EPS15L1: variants seen among roughly 807,000 people sequenced by gnomAD.
The protein encoded by EPS15L1 is epidermal growth factor receptor substrate 15-like 1.
Under a neutral mutation model 117.1 loss-of-function variants are expected in EPS15L1, and 43 were observed. The ratio of observed to expected loss-of-function variants is 0.37; its 90% CI spans 0.29 to 0.47. The LOEUF (loss-of-function observed/expected upper bound fraction) is 0.47. EPS15L1 is among the 20% of genes least tolerant of loss of function. The pLI is 0.99. For missense variants in EPS15L1, 981 were observed against 1,164.0 expected, an observed-to-expected ratio of 0.84 and a Z score of 2.29; for synonymous variants, 459 against 470.5, an observed-to-expected ratio of 0.98 and a Z score of 0.32.
intron 13 of EPS15L1, among the ~76,000 whole-genome samples, chr19:16,412,041 TA>T (rs2092711018): frequency 6.6e-6 from 1 of 152,242 alleles, no homozygotes; most frequent in African/African-American, 2.4e-5. Flanking sequence ...TAATACCTAA[TA>T]TAATGTAAAT....
At chr19:16,418,669 T>C (rs1214227736) in intron 10 of EPS15L1, among the ~76,000 whole-genome samples, 1 of 152,186 alleles carries the variant, frequency 6.6e-6, no homozygotes, top group Non-Finnish European at 1.5e-5. Context: ...CCAAATCCTA[T>C]CCCTCAATGG....
At chr19:16,457,476 T>C (rs2145160259) in intron 1 of EPS15L1, among the ~76,000 whole-genome samples, 1 of 152,086 alleles carries the variant, frequency 6.6e-6, no homozygotes, top group Non-Finnish European at 1.5e-5. Context: ...ACCAAAGCAG[T>C]GCCAGAGACA....
intron 7 of EPS15L1, among the ~76,000 whole-genome samples, chr19:16,433,383 C>T (rs149092629): frequency 6.6e-6 from 1 of 152,054 alleles, no homozygotes; most frequent in African/African-American, 2.4e-5. Context: ...CCACCCACCT[C>T]GGCCTCCCAA....
At chr19:16,438,814 C>T (rs2093001066) in intron 4 of EPS15L1, among the ~76,000 whole-genome samples, 1 of 152,166 alleles carries the variant, frequency 6.6e-6, no homozygotes, top group South Asian at 2.1e-4. Flanking sequence ...AGCCACTGCA[C>T]CTGGCTATGT....
chr19:16,385,552 A>G (rs1294676249), intron 20 of EPS15L1, among the ~76,000 whole-genome samples: 1 of 152,164 alleles, frequency 6.6e-6, no homozygotes, highest in Non-Finnish European at 1.5e-5. Flanking sequence ...TGCCACCCAC[A>G]TGATTTATAC....
intron 13 of EPS15L1, among the ~76,000 whole-genome samples, chr19:16,409,072 G>A (rs2144867368): frequency 6.6e-6 from 1 of 152,108 alleles, no homozygotes; most frequent in South Asian, 2.1e-4. Flanking sequence ...AAAAAAAATT[G>A]TTTTTGAATT....
At chr19:16,432,401 T>C (rs948434997) in intron 7 of EPS15L1, among the ~76,000 whole-genome samples, 1 of 152,106 alleles carries the variant, frequency 6.6e-6, no homozygotes, top group African/African-American at 2.4e-5. Context: ...ACCCCATCTC[T>C]ACTAAAAATA....
At chr19:16,450,746 G>T (rs2093133549) in intron 1 of EPS15L1, among the ~76,000 whole-genome samples, 1 of 151,854 alleles carries the variant, frequency 6.6e-6, no homozygotes. Context: ...GCCTCCCAAA[G>T]TGCTGGGATT....
intron 16 of EPS15L1, chr19:16,401,292 T>C (rs754503381): frequency 2.4e-5 from 24 of 985,244 alleles, no homozygotes; most frequent in Non-Finnish European, 2.5e-5. Context: ...CCATAAATCC[T>C]TGGGACTGAG....
At chr19:16,395,571 C>T in intron 16 of EPS15L1, 104 bp from the exon 17 acceptor site, 1 of 1,197,596 alleles carries the variant, frequency 8.4e-7, no homozygotes, top group South Asian at 1.4e-5. Context: ...AGTAGCATGA[C>T]CCTAAAAAGA....
Position 16,361,998 on chromosome 19 carries a change from G to GA in EPS15L1, c.2381-15dup. On this transcript the variant is annotated splice_polypyrimidine_tract_variant and intron_variant, in intron 22 of 23. Transcript: ENST00000455140. ...GTGTACTTTTACCTGGAAAGTTTAGGAGAAAAAAAAAAGGAGAAAGAAAGA... is the reference window on the plus strand; with the variant it reads ...GTGTACTTTTACCTGGAAAGTTTAGGAAGAAAAAAAAAAGGAGAAAGAAAGA... The GA allele has an allele frequency of 6.4e-7, 1 of 1,568,850 alleles. No individual in the cohort carries two copies.
At chr19:16,367,545 C>G (rs1447565264) in intron 22 of EPS15L1, among the ~76,000 whole-genome samples, 1 of 148,228 alleles carries the variant, frequency 6.7e-6, no homozygotes, top group East Asian at 2.0e-4. Context: ...CCGGCTCCAC[C>G]CTGATAGAAA....
At chr19:16,428,544 ACAG>A (rs2092898841) in intron 8 of EPS15L1, among the ~76,000 whole-genome samples, 155 bp downstream of exon 8, 1 of 121,850 alleles carries the variant, frequency 8.2e-6, no homozygotes. Flanking sequence ...AGGAAGAAAG[ACAG>A]AAAAGAAAGG....
intron 23 of EPS15L1, chr19:16,361,535 C>G: frequency 4.9e-6 from 6 of 1,214,146 alleles, no homozygotes; most frequent in Non-Finnish European, 6.2e-6. Flanking sequence ...GGTCCCGCCT[C>G]CCTGCTGGAA....
chr19:16,424,391 G>A (rs2092847993), intron 9 of EPS15L1, among the ~76,000 whole-genome samples: 1 of 148,134 alleles, frequency 6.8e-6, no homozygotes, highest in African/African-American at 2.5e-5. Flanking sequence ...AGAACCACCA[G>A]AAGATCACTA....
chr19:16,406,505 C>T (rs2092658025), intron 13 of EPS15L1, among the ~76,000 whole-genome samples: 1 of 152,224 alleles, frequency 6.6e-6, no homozygotes, highest in Admixed American at 6.5e-5. Flanking sequence ...GATGCTCCCA[C>T]CAGGGACGGA....
chr19:16,468,388 C>T (rs1318449540), intron 1 of EPS15L1, among the ~76,000 whole-genome samples: 1 of 152,216 alleles, frequency 6.6e-6, no homozygotes, highest in Non-Finnish European at 1.5e-5. Flanking sequence ...CCCTGTTGCC[C>T]AGGCTGGGGT....
Position 16,377,169 on chromosome 19 carries a change from G to A in EPS15L1, c.2333C>T (p.Ala778Val), listed in dbSNP as rs2092307297. Residue 778 changes from alanine (A) to valine (V), a missense_variant, in exon 22 of 24, where the codon GCT (alanine) becomes GTT (valine). Coordinates refer to ENST00000455140, the MANE Select transcript of EPS15L1 (RefSeq NM_001258374.3). ...AGGAGCAGGTTTCTTCGGAGGCAGAGCAGGAGTGTCCTGTTTACTTTTAAA... is the reference window on the plus strand; with the variant it reads ...AGGAGCAGGTTTCTTCGGAGGCAGAACAGGAGTGTCCTGTTTACTTTTAAA... The part of the protein sequence containing the change: ...DPFKSKQDTP[A>V]LPPKKPAPPR... The A allele has an allele frequency of 6.2e-7, 1 of 1,611,756 alleles. No homozygotes were observed. Among genetic ancestry groups the A allele is most frequent in the Non-Finnish European group, 8.5e-7 (1 of 1,179,004 alleles).
chr19:16,457,610 GGGCAGA>G (rs2093209854), intron 1 of EPS15L1, among the ~76,000 whole-genome samples: 1 of 152,094 alleles, frequency 6.6e-6, no homozygotes, highest in South Asian at 2.1e-4. Context: ...GCCATGCAGA[GGGCAGA>G]AGGGATGGAA....
Sources: gnomAD v4.1 joint callset for allele counts (sites outside exome capture counted in the v4.1 genomes callset) on GRCh38, gnomAD v4.1.1 for gene constraint, MANE v1.5 for transcripts, NCBI Gene and HGNC (gene_info 2026-07-23, HGNC 2026-07-21) for gene names.